The following ATP11C variants were observed in gnomAD, a reference collection of about 807,000 sequenced individuals.
ATP11C encodes ATPase phospholipid transporting 11C (ATP11C blood group).
In ATP11C, 36 loss-of-function variants were observed where a neutral mutation model predicts 97.4. The observed-to-expected ratio is 0.37, with a 90% CI of 0.28 to 0.49. ATP11C has a LOEUF of 0.49. ATP11C is among the 20% of genes least tolerant of loss of function. The pLI is 0.98. For missense variants in ATP11C, 730 were observed against 824.6 expected, an observed-to-expected ratio of 0.89 and a Z score of 1.40; for synonymous variants, 275 against 290.9, an observed-to-expected ratio of 0.95 and a Z score of 0.56.
At chrX:139,821,795 T>C (rs1048874119) in intron 2 of ATP11C, among the ~76,000 whole-genome samples, 3 of 112,288 alleles carry the variant, frequency 2.7e-5, no homozygotes, top group Non-Finnish European at 5.6e-5. Context: ...ACACAGAAGA[T>C]ATACAAGAAA....
At chrX:139,909,522 C>T (rs922980603) in intron 1 of ATP11C, among the ~76,000 whole-genome samples, 3 of 109,883 alleles carry the variant, frequency 2.7e-5, no homozygotes, top group Non-Finnish European at 5.7e-5. Flanking sequence ...GATAAAACTG[C>T]ATAGAACTAA....
At chrX:139,784,900 A>T (rs2082541115) in intron 16 of ATP11C, among the ~76,000 whole-genome samples, 1 of 111,343 alleles carries the variant, frequency 9.0e-6, no homozygotes, top group African/African-American at 3.3e-5. Flanking sequence ...CTGCATGTAA[A>T]CATTACTGGT....
At chrX:139,797,574 T>C (rs982217730) in intron 10 of ATP11C, among the ~76,000 whole-genome samples, 4 of 111,382 alleles carry the variant, frequency 3.6e-5, no homozygotes, top group African/African-American at 6.5e-5. Flanking sequence ...ACACACCTTA[T>C]TAAGGTTCCT....
upstream of ATP11C, among the ~76,000 whole-genome samples, chrX:139,933,405 C>A (rs1344990078): frequency 2.7e-5 from 3 of 111,917 alleles, no homozygotes; most frequent in Non-Finnish European, 5.6e-5. Flanking sequence ...GCAAAATGTG[C>A]GCATCAGGAA....
At chrX:139,818,776 G>A (rs977919932) in intron 3 of ATP11C, among the ~76,000 whole-genome samples, 2 of 112,059 alleles carry the variant, frequency 1.8e-5, no homozygotes, top group African/African-American at 6.5e-5. Context: ...TAATTATGGC[G>A]AGGAAAAGAT....
At position 139,826,696 on chromosome X, in the gene ATP11C, A is replaced by C; in HGVS notation, c.147+8T>G. On this transcript the variant is annotated splice_region_variant and intron_variant, in intron 2 of 29. Coordinates refer to ENST00000682941, the MANE Select transcript of ATP11C (RefSeq NM_001353812.2). The stretch of plus-strand genomic sequence containing the variant: ...ATGAACATCTATTGAGTTAAAACAA[A>C]AACTTACCTTAGATGAGACTATTCT... The C allele has an allele frequency of 8.4e-7, 1 of 1,196,451 alleles. No homozygotes were observed. Among genetic ancestry groups the C allele is most frequent in the Non-Finnish European group, 1.1e-6 (1 of 885,318 alleles).
intron 1 of ATP11C, among the ~76,000 whole-genome samples, chrX:139,896,546 TACACACACACACACACACACAC>T (rs61153084): frequency 9.9e-4 from 79 of 79,805 alleles, no homozygotes; most frequent in African/African-American, 3.2e-3. Flanking sequence ...GTTAATTTTA[TACACACACACACACACACACAC>T]ACACACACAC....
chrX:139,790,922 G>A (rs2082678786), intron 12 of ATP11C, among the ~76,000 whole-genome samples: 1 of 110,791 alleles, frequency 9.0e-6, no homozygotes, highest in Non-Finnish European at 1.9e-5. Flanking sequence ...ATTTTATCTC[G>A]GTTTTTATCT....
At chrX:139,869,462 G>C (rs959546719) in intron 1 of ATP11C, among the ~76,000 whole-genome samples, 8 of 110,189 alleles carry the variant, frequency 7.3e-5, no homozygotes, top group African/African-American at 2.6e-4. Context: ...TTTATGAATA[G>C]AATCATATGA....
intron 28 of ATP11C, among the ~76,000 whole-genome samples, chrX:139,733,436 A>C (rs2148608894): frequency 8.9e-6 from 1 of 112,079 alleles, no homozygotes; most frequent in South Asian, 3.6e-4. Flanking sequence ...TAGAAAAAGA[A>C]ACCAGCTAAA....
chrX:139,746,937 A>C (rs2081700487), intron 24 of ATP11C, among the ~76,000 whole-genome samples: 1 of 112,003 alleles, frequency 8.9e-6, no homozygotes, highest in Admixed American at 9.5e-5. Flanking sequence ...ACACCTTTGT[A>C]ATATAAATGC....
intron 5 of ATP11C, among the ~76,000 whole-genome samples, chrX:139,810,957 A>G (rs1314239700): frequency 9.2e-6 from 1 of 109,052 alleles, no homozygotes; most frequent in Non-Finnish European, 1.9e-5. Flanking sequence ...TGGCATGACT[A>G]CTAAGCTAAA....
intron 21 of ATP11C, 21 bp downstream of exon 21, chrX:139,763,295 A>G (rs773896570): frequency 8.9e-7 from 1 of 1,125,617 alleles, no homozygotes; most frequent in Non-Finnish European, 1.2e-6. Flanking sequence ...CACAGCTGCC[A>G]TCTCATTAGA....
At position 139,796,337 on chromosome X, in the gene ATP11C, T is replaced by C; in HGVS notation, c.1142A>G (p.Tyr381Cys). The C allele has an allele frequency of 8.3e-7, 1 of 1,206,955 alleles. No homozygotes were observed. ...GGCTCCTTCATTAATTTCTTCATCA[T>C]AAAAGTCCTTATCCCATGAGATGAA... ...SFFISWDKDF[Y>C]DEEINEGALV... Residue 381 changes from tyrosine to cysteine, a missense_variant, in exon 12 of 30, where the codon TAT becomes TGT. Tyr to Cys is a radical substitution (Grantham distance 194, BLOSUM62 -2). Transcript: ENST00000682941.
chrX:139,936,818 C>T (rs764002543), upstream of ATP11C, among the ~76,000 whole-genome samples: 16 of 108,951 alleles, frequency 1.5e-4, no homozygotes, highest in Non-Finnish European at 2.8e-4. Context: ...GCGCAAACTG[C>T]TTCTGGGATC....
At chrX:139,730,669 T>TCGTATTCA (rs1383474497) in intron 29 of ATP11C, among the ~76,000 whole-genome samples, 1 of 111,187 alleles carries the variant, frequency 9.0e-6, no homozygotes, top group Non-Finnish European at 1.9e-5. Context: ...TAACCCACAA[T>TCGTATTCA]TGTATTCATG....
At chrX:139,788,990 C>A (rs753407563) in intron 13 of ATP11C, among the ~76,000 whole-genome samples, 13 of 111,108 alleles carry the variant, frequency 1.2e-4, no homozygotes, top group Admixed American at 2.9e-4. Flanking sequence ...TACCTGAGGT[C>A]AGGAGTTTGA....
At position 139,768,275 on chromosome X, in the gene ATP11C, T is replaced by C. The variant is rs747403420; in HGVS notation, c.2376A>G (p.Pro792=). Residue 792 remains proline (P), a synonymous_variant, in exon 20 of 30, where the codon CCA becomes CCG. Transcript: ENST00000682941. ...TCACAGTTACCTGGGCTTTCTGTAA[T>C]GGTGCCATCCGACAGCAGAGCACTG... ...CTAVLCCRMA[P]LQKAQIVRMV... is the part of the protein sequence containing the mutation. The C allele has an allele frequency of 2.6e-5, 29 of 1,111,055 alleles. No homozygotes were observed. The highest frequency in any genetic ancestry group is 3.3e-5 in the Non-Finnish European group (28 of 840,420). The allele number at this position is 1,111,055 out of a possible 1,213,427, so 91.6% of individuals were successfully genotyped here.
At chrX:139,851,075 T>C (rs1247598500) in intron 1 of ATP11C, among the ~76,000 whole-genome samples, 1 of 111,172 alleles carries the variant, frequency 9.0e-6, no homozygotes, top group Non-Finnish European at 1.9e-5. Context: ...ACCAAGACAA[T>C]GGAGGAAGAC....
Sources: gnomAD v4.1 joint callset for allele counts (sites outside exome capture counted in the v4.1 genomes callset) on GRCh38, gnomAD v4.1.1 for gene constraint, MANE v1.5 for transcripts, NCBI Gene and HGNC (gene_info 2026-07-23, HGNC 2026-07-21) for gene names.